Variants in PHACTR1 observed in about 807,000 individuals in gnomAD.
PHACTR1 encodes the protein phosphatase and actin regulator 1.
A neutral mutation model predicts 69.2 loss-of-function variants in PHACTR1; 16 were observed. That is an observed-to-expected ratio of 0.23 (90% CI 0.16 to 0.35). The LOEUF (loss-of-function observed/expected upper bound fraction) is 0.35. PHACTR1 is among the 10% of genes least tolerant of loss of function. The pLI, the probability that PHACTR1 is intolerant of heterozygous loss-of-function variation, is 1.00. For missense variants in PHACTR1, 510 were observed against 734.7 expected (o/e 0.69, Z 3.54); for synonymous variants, 312 against 284.5 (o/e 1.10, Z -0.97).
At chr6:13,153,687 T>A (rs1463382810) in intron 5 of PHACTR1, among the ~76,000 whole-genome samples, 1 of 152,204 alleles carries the variant, frequency 6.6e-6, no homozygotes, top group African/African-American at 2.4e-5. Flanking sequence ...TTGGTTATTT[T>A]CTAAAGATCA....
intron 5 of PHACTR1, among the ~76,000 whole-genome samples, chr6:13,103,589 G>T (rs1158464375): frequency 1.3e-5 from 2 of 152,128 alleles, no homozygotes; most frequent in Admixed American, 6.5e-5. Flanking sequence ...TTATTATGGG[G>T]TAGAAGTGTT....
At chr6:12,851,412 A>G (rs1300665464) in intron 4 of PHACTR1, among the ~76,000 whole-genome samples, 2 of 152,238 alleles carry the variant, frequency 1.3e-5, no homozygotes, top group Non-Finnish European at 2.9e-5. Context: ...TGTTACCACA[A>G]AGGAATCCAA....
intron 7 of PHACTR1, among the ~76,000 whole-genome samples, chr6:13,202,208 A>G (rs1412244798): frequency 6.6e-6 from 1 of 152,216 alleles, no homozygotes; most frequent in African/African-American, 2.4e-5. Context: ...GATGAAACCA[A>G]GTAGGTTTTG....
chr6:12,745,663 T>C (rs1309560719), intron 3 of PHACTR1, among the ~76,000 whole-genome samples: 1 of 152,224 alleles, frequency 6.6e-6, no homozygotes, highest in African/African-American at 2.4e-5. Flanking sequence ...GTTTTCTAAA[T>C]ATAATTCATT....
chr6:12,728,246 G>C (rs75240472), intron 3 of PHACTR1, among the ~76,000 whole-genome samples: 1 of 152,058 alleles, frequency 6.6e-6, no homozygotes, highest in Non-Finnish European at 1.5e-5. Context: ...TTGAACCCTG[G>C]ACTTCCAGGT....
intron 8 of PHACTR1, among the ~76,000 whole-genome samples, chr6:13,222,823 C>T (rs1768897566): frequency 6.6e-6 from 1 of 152,168 alleles, no homozygotes; most frequent in Admixed American, 6.6e-5. Context: ...CACAGGACAA[C>T]CCTCAAAGCA....
intron 5 of PHACTR1, among the ~76,000 whole-genome samples, chr6:13,071,901 A>T (rs1389790247): frequency 6.6e-6 from 1 of 152,172 alleles, no homozygotes; most frequent in Non-Finnish European, 1.5e-5. Flanking sequence ...GCCTCATGTT[A>T]ATTATATTTC....
At chr6:12,809,166 G>A (rs1297133155) in intron 4 of PHACTR1, among the ~76,000 whole-genome samples, 1 of 152,076 alleles carries the variant, frequency 6.6e-6, no homozygotes, top group African/African-American at 2.4e-5. Context: ...GATGTTACAG[G>A]AGTAAGCCAC....
chr6:12,953,279 C>T (rs758762538), intron 4 of PHACTR1, among the ~76,000 whole-genome samples: 9 of 152,214 alleles, frequency 5.9e-5, no homozygotes, highest in South Asian at 4.1e-4. Context: ...GCCGAGATCG[C>T]GGCACTGCAC....
chr6:12,851,823 A>G lies in PHACTR1; in HGVS notation c.250+102033A>G, dbSNP rs575151180. 3.9e-5 allele frequency among the ~76,000 whole-genome samples: 6 copies of G among 152,000 alleles called. No individual in the cohort carries two copies. In the South Asian group the frequency reaches 1.2e-3, roughly 32 times the overall value. ...CACTGAAAAACAACATTTTTATTTT[A>G]TTATTTTATTTTATTTATTATTATT... On this transcript the variant is annotated intron_variant, in intron 4 of 14. Coordinates refer to ENST00000332995, the MANE Select transcript of PHACTR1 (RefSeq NM_030948.6).
intron 10 of PHACTR1, among the ~76,000 whole-genome samples, chr6:13,237,173 C>CT (rs1421155341): frequency 6.6e-6 from 1 of 152,034 alleles, no homozygotes; most frequent in Admixed American, 6.6e-5. Flanking sequence ...GCCCAGGAGT[C>CT]TGAGACCAGC....
intron 10 of PHACTR1, among the ~76,000 whole-genome samples, chr6:13,238,853 T>C (rs1486987187): frequency 6.6e-6 from 1 of 152,218 alleles, no homozygotes; most frequent in East Asian, 1.9e-4. Flanking sequence ...GGCTCTATGA[T>C]GTCAATTCAA....
chr6:13,241,790 G>A (rs1386396781), intron 10 of PHACTR1, among the ~76,000 whole-genome samples: 2 of 151,832 alleles, frequency 1.3e-5, no homozygotes, highest in South Asian at 2.1e-4. Context: ...TTGGGAGGCC[G>A]GGGCAGGTGG....
chr6:13,282,036 C>CT (rs1780387919), intron 12 of PHACTR1, among the ~76,000 whole-genome samples: 1 of 152,252 alleles, frequency 6.6e-6, no homozygotes, highest in South Asian at 2.1e-4. Context: ...CAGCCATCCT[C>CT]TAATTGTGCT....
At chr6:12,965,143 G>A (rs1008112300) in intron 4 of PHACTR1, among the ~76,000 whole-genome samples, 1 of 152,120 alleles carries the variant, frequency 6.6e-6, no homozygotes, top group Non-Finnish European at 1.5e-5. Context: ...TATTACATTT[G>A]TGTTATTTTT....
At chr6:12,729,115 C>T (rs79324441) in intron 3 of PHACTR1, among the ~76,000 whole-genome samples, 85 of 152,254 alleles carry the variant, frequency 5.6e-4, no homozygotes, top group Middle Eastern at 3.4e-3. Flanking sequence ...GACCCCCACC[C>T]GCCCCATCAC....
At position 13,264,176 on chromosome 6, in the gene PHACTR1, C is replaced by T. The variant is rs371342358; in HGVS notation, c.1392-8684C>T. On this transcript the variant is annotated intron_variant, in intron 10 of 14. Transcript: ENST00000332995. ...TGGGAACTCTTCTATAATTCCAATA[C>T]GGAACATTGCAAATCTACATGCAAC... 6.5e-4 allele frequency among the ~76,000 whole-genome samples: 99 copies of T among 152,278 alleles called. 1 individual carries two copies. In the South Asian group the frequency reaches 0.02, roughly 31 times the overall value.
At chr6:13,045,713 C>T (rs1329839597) in intron 4 of PHACTR1, among the ~76,000 whole-genome samples, 2 of 152,214 alleles carry the variant, frequency 1.3e-5, no homozygotes, top group Non-Finnish European at 1.5e-5. Context: ...CCCATCTCCC[C>T]GCATTGTATG....
At chr6:12,780,342 T>C (rs933606873) in intron 4 of PHACTR1, among the ~76,000 whole-genome samples, 7 of 151,796 alleles carry the variant, frequency 4.6e-5, no homozygotes, top group Non-Finnish European at 1.0e-4. Context: ...TACCTAAGTA[T>C]TCTGCAGACA....
Sources: gnomAD v4.1 joint callset for allele counts (sites outside exome capture counted in the v4.1 genomes callset) on GRCh38, gnomAD v4.1.1 for gene constraint, MANE v1.5 for transcripts, NCBI Gene and HGNC (gene_info 2026-07-23, HGNC 2026-07-21) for gene names.